LINGO1: variants seen among roughly 807,000 people sequenced by gnomAD.
LINGO1 encodes leucine rich repeat and Ig domain containing 1, also known as leucine-rich repeat and immunoglobulin-like domain-containing nogo receptor-interacting protein 1.
A neutral mutation model predicts 37.3 loss-of-function variants in LINGO1; 11 were observed. The ratio of observed to expected loss-of-function variants is 0.29; its 90% CI spans 0.19 to 0.49. The LOEUF (loss-of-function observed/expected upper bound fraction) is 0.49. LINGO1 is among the 20% of genes least tolerant of loss of function. The pLI is 0.99. For synonymous variants in LINGO1, 387 were observed against 403.0 expected (o/e 0.96, Z 0.48); for missense variants, 585 against 878.2 (o/e 0.67, Z 4.22).
chr15:77,737,621 C>T (rs916285338), intron 1 of LINGO1, among the ~76,000 whole-genome samples: 1 of 152,154 alleles, frequency 6.6e-6, no homozygotes, highest in African/African-American at 2.4e-5. Context: ...CCCACCACTC[C>T]ACAAAACTGC....
At chr15:77,698,029 C>T (rs2075718717), upstream of LINGO1, among the ~76,000 whole-genome samples, 1 of 152,062 alleles carries the variant, frequency 6.6e-6, no homozygotes, top group South Asian at 2.1e-4. Flanking sequence ...AAGATCATTG[C>T]AGCCGCCACC....
chr15:77,710,741 G>A (rs1249568764), intron 2 of LINGO1, among the ~76,000 whole-genome samples: 1 of 152,264 alleles, frequency 6.6e-6, no homozygotes, highest in East Asian at 1.9e-4. Flanking sequence ...GGACGGGGCG[G>A]CTGGGGTAGC....
At chr15:77,774,236 G>A (rs978921200) in intron 1 of LINGO1, among the ~76,000 whole-genome samples, 1 of 152,042 alleles carries the variant, frequency 6.6e-6, no homozygotes, top group Non-Finnish European at 1.5e-5. Context: ...CGGGGGAATG[G>A]GGGTCTTCAT....
In LINGO1 at chr15:77,773,658, C is replaced by T. The variant is rs137920689; in HGVS notation, c.-257+13211G>A. Among the ~76,000 whole-genome samples the T allele has an allele frequency of 3.8e-4, 58 of 152,234 alleles. No individual in the cohort carries two copies. In the East Asian group the frequency reaches 7.2e-3, roughly 19 times the overall value. On this transcript the variant is annotated intron_variant, in intron 1 of 3. Coordinates refer to the LINGO1 transcript ENST00000561686. ...CCTGGAGACAGAAGCTGACCAAGGC[C>T]GCCCAGCACTGATACACAGGCTCGA...
intron 1 of LINGO1, among the ~76,000 whole-genome samples, chr15:77,769,763 C>T (rs566257895): frequency 3.0e-4 from 46 of 152,292 alleles, no homozygotes; most frequent in African/African-American, 9.9e-4. Flanking sequence ...GAGGCATTCC[C>T]TGGAAAAGGA....
intron 1 of LINGO1, among the ~76,000 whole-genome samples, chr15:77,767,359 T>A (rs2076540837): frequency 6.6e-6 from 1 of 152,172 alleles, no homozygotes; most frequent in Non-Finnish European, 1.5e-5. Context: ...CCAGTCAGAC[T>A]GTCAGGATTC....
chr15:77,645,450 C>G (rs142240067), intron 3 of LINGO1, among the ~76,000 whole-genome samples: 112 of 152,372 alleles, frequency 7.4e-4, no homozygotes, highest in African/African-American at 2.3e-3. Context: ...TAGGCTTAAA[C>G]TTGGCAGCAG....
chr15:77,795,359 C>T (rs1260386534), intron 2 of LINGO1, among the ~76,000 whole-genome samples: 1 of 152,140 alleles, frequency 6.6e-6, no homozygotes, highest in South Asian at 2.1e-4. Flanking sequence ...TCCTGCTCCT[C>T]GTGATAAAGT....
At chr15:77,623,871 G>GTGTGTC (rs1453249285) in intron 1 of LINGO1, among the ~76,000 whole-genome samples, 1 of 149,970 alleles carries the variant, frequency 6.7e-6, no homozygotes, top group Admixed American at 6.6e-5. Context: ...GTGTGTGTGT[G>GTGTGTC]TGTGTCTGTG....
rs1405011449 is a variant in LINGO1 at position 77,614,634 on chromosome 15, G to A, written c.1273C>T (p.Arg425Cys). Reference sequence around the variant, plus strand: ...TGCTGGGCCTTGCGGTCCCGGATGCGGGCGCGGCGGCAGGTGAAGTAGTTG... The same window carrying A: ...TGCTGGGCCTTGCGGTCCCGGATGCAGGCGCGGCGGCAGGTGAAGTAGTTG... ...LPNYFTCRRARIRDRKAQQVF... is the reference protein window; with the variant it reads ...LPNYFTCRRACIRDRKAQQVF... The change falls in exon 2 of 2, where the codon CGC becomes TGC. Residue 425 changes from arginine (R) to cysteine (C), a missense_variant. Physicochemically the swap from Arg to Cys is radical, Grantham distance 180 (BLOSUM62 -3). This residue lies in a region of LINGO1 where 484 missense variants were observed against 735.0 expected (regional missense o/e 0.66). Coordinates refer to ENST00000355300, the MANE Select transcript of LINGO1 (RefSeq NM_032808.7). 2.5e-6 allele frequency: 4 copies of A among 1,611,420 alleles called. No homozygotes were observed.
At position 77,747,705 on chromosome 15, in the gene LINGO1, A is replaced by C. The variant is rs894090282; in HGVS notation, c.-256-12652T>G. On this transcript the variant is annotated intron_variant, in intron 1 of 3. Transcript: ENST00000561686. ...AAGGAGGCTGCACCAATGCAGAGCC[A>C]GGCGGGCCCCCGCCTCCAGAATCTC... Among the ~76,000 whole-genome samples the C allele has an allele frequency of 2.6e-5, 4 of 152,246 alleles. No homozygotes were observed. In the East Asian group the frequency reaches 7.7e-4, roughly 29 times the overall value.
intron 1 of LINGO1, among the ~76,000 whole-genome samples, chr15:77,740,685 G>C (rs1038025701): frequency 6.6e-6 from 1 of 152,192 alleles, no homozygotes; most frequent in Non-Finnish European, 1.5e-5. Flanking sequence ...GCTTCCTGGA[G>C]GGGCAGGGTG....
At chr15:77,671,103 C>T (rs2075240467) in intron 3 of LINGO1, among the ~76,000 whole-genome samples, 1 of 152,138 alleles carries the variant, frequency 6.6e-6, no homozygotes, top group South Asian at 2.1e-4. Context: ...CAGCTGAGCC[C>T]TTGCAGCACC....
At chr15:77,722,323 A>G (rs1390429347) in intron 2 of LINGO1, among the ~76,000 whole-genome samples, 1 of 152,192 alleles carries the variant, frequency 6.6e-6, no homozygotes, top group South Asian at 2.1e-4. Flanking sequence ...CTGTCCCCCA[A>G]CAAAAATATG....
At chr15:77,679,311 A>G (rs2075376708) in intron 2 of LINGO1, among the ~76,000 whole-genome samples, 1 of 152,194 alleles carries the variant, frequency 6.6e-6, no homozygotes, top group Admixed American at 6.5e-5. Flanking sequence ...TTAATTATTT[A>G]AATGATTTAC....
chr15:77,747,585 C>G (rs193170274), intron 1 of LINGO1, among the ~76,000 whole-genome samples: 150 of 152,324 alleles, frequency 9.8e-4, no homozygotes, highest in African/African-American at 3.5e-3. Flanking sequence ...TGAGCACACT[C>G]AGAACAGATC....
chr15:77,808,773 G>C (rs1015761375), intron 1 of LINGO1, among the ~76,000 whole-genome samples: 9 of 152,166 alleles, frequency 5.9e-5, no homozygotes, highest in African/African-American at 2.2e-4. Flanking sequence ...ACAGCTCATG[G>C]GGTTGTTGTT....
At chr15:77,786,517 G>A (rs532817691) in intron 1 of LINGO1, among the ~76,000 whole-genome samples, 6 of 152,184 alleles carry the variant, frequency 3.9e-5, no homozygotes, top group Admixed American at 1.3e-4. Context: ...CAGAGGGGCC[G>A]GGCTCCTACA....
rs188701897 is a variant in LINGO1 at position 77,747,142 on chromosome 15, G to T, written c.-256-12089C>A. On this transcript the variant is annotated intron_variant, in intron 1 of 3. Transcript: ENST00000561686. ...AGAAGAATACCCAACCACCCTATCC[G>T]CAGGCCCAGGACTGCTCCTCCAGAG... 1.2e-4 allele frequency among the ~76,000 whole-genome samples: 19 copies of T among 152,220 alleles called. No individual in the cohort carries two copies. The East Asian group carries it at 1.9e-3, about 15-fold the overall frequency.
Sources: gnomAD v4.1 joint callset for allele counts (sites outside exome capture counted in the v4.1 genomes callset) on GRCh38, gnomAD v4.1.1 for gene constraint, gnomAD v4.1.1 regional missense constraint, MANE v1.5 for transcripts, NCBI Gene and HGNC (gene_info 2026-07-23, HGNC 2026-07-21) for gene names.